Variants in SPTBN1 observed in about 807,000 individuals in gnomAD.
SPTBN1 encodes the protein spectrin beta chain, non-erythrocytic 1.
In SPTBN1, 32 loss-of-function variants were observed where a neutral mutation model predicts 266.4. The ratio of observed to expected loss-of-function variants is 0.12; its 90% CI spans 0.09 to 0.16. SPTBN1 has a LOEUF of 0.16. Among genes scored for constraint, SPTBN1 ranks in the 10% least tolerant of loss-of-function variants. The pLI, the probability that SPTBN1 is intolerant of heterozygous loss-of-function variation, is 1.00. For synonymous variants in SPTBN1, 1,336 were observed against 1,162.2 expected, an observed-to-expected ratio of 1.15 and a Z score of -3.04; for missense variants, 2,296 against 3,067.1, an observed-to-expected ratio of 0.75 and a Z score of 5.94.
intron 1 of SPTBN1, among the ~76,000 whole-genome samples, chr2:54,474,584 T>G (rs1356941235): frequency 6.6e-6 from 1 of 152,224 alleles, no homozygotes; most frequent in Non-Finnish European, 1.5e-5. Context: ...TTATTTACTA[T>G]ATTAATAAAA....
Position 54,670,712 on chromosome 2 carries a change from A to C in SPTBN1, c.*2143A>C, listed in dbSNP as rs965096001. On this transcript the variant is annotated 3_prime_UTR_variant, in exon 36 of 36. Coordinates refer to ENST00000356805, the MANE Select transcript of SPTBN1 (RefSeq NM_003128.3). ...CTGGAGTCCCATAATAAATACGTAC[A>C]TGTGGAACATCGTGCACATAATTTC... is the stretch of plus-strand genomic sequence containing the variant. 2.0e-5 allele frequency: 8 copies of C among 398,520 alleles called. No homozygotes were observed. Among genetic ancestry groups the C allele is most frequent in the Admixed American group, 4.4e-5 (1 of 22,714 alleles). The allele number at this position is 398,520 out of a possible 1,614,324, so 24.7% of individuals were successfully genotyped here.
chr2:54,605,845 G>C (rs2103744460), intron 3 of SPTBN1, among the ~76,000 whole-genome samples: 1 of 152,270 alleles, frequency 6.6e-6, no homozygotes, highest in African/African-American at 2.4e-5. Flanking sequence ...GTGGCTTGCT[G>C]GTTTTTGAGT....
At chr2:54,477,641 C>T (rs757608782) in intron 1 of SPTBN1, among the ~76,000 whole-genome samples, 27 of 152,078 alleles carry the variant, frequency 1.8e-4, no homozygotes, top group Non-Finnish European at 3.2e-4. Flanking sequence ...AGGCTGGGCG[C>T]GGTGGCTCAT....
chr2:54,638,641 G>C (rs1444969760), intron 18 of SPTBN1, among the ~76,000 whole-genome samples: 3 of 152,218 alleles, frequency 2.0e-5, no homozygotes, highest in African/African-American at 7.2e-5. Flanking sequence ...GATTTCACGT[G>C]TGAGTTCGTG....
At chr2:54,525,405 C>T (rs1670743655) in intron 1 of SPTBN1, among the ~76,000 whole-genome samples, 2 of 152,124 alleles carry the variant, frequency 1.3e-5, no homozygotes, top group South Asian at 2.1e-4. Flanking sequence ...GCCACCACGC[C>T]CAGCTAATTT....
At chr2:54,597,326 A>G (rs1012979537) in intron 2 of SPTBN1, among the ~76,000 whole-genome samples, 3 of 152,226 alleles carry the variant, frequency 2.0e-5, no homozygotes, top group African/African-American at 7.2e-5. Context: ...CATCCATCAC[A>G]ATGATTACGT....
intron 1 of SPTBN1, among the ~76,000 whole-genome samples, chr2:54,525,803 T>G (rs1436214178): frequency 6.6e-6 from 1 of 152,166 alleles, no homozygotes; most frequent in East Asian, 1.9e-4. Context: ...CGATATCGGC[T>G]CACTACAACC....
At position 54,646,576 on chromosome 2, in the gene SPTBN1, G is replaced by A. The variant is rs191204800; in HGVS notation, c.4866+101G>A. 18 of 1,353,450 alleles carry A rather than the reference G, an allele frequency of 1.3e-5. No individual in the cohort carries two copies. Among genetic ancestry groups the A allele is most frequent in the Non-Finnish European group, 1.5e-5 (16 of 1,035,994 alleles). 83.8% of individuals were successfully genotyped at this position (1,353,450 alleles called of 1,614,324 possible). On this transcript the variant is annotated intron_variant, in intron 23 of 35. Coordinates refer to ENST00000356805, the MANE Select transcript of SPTBN1 (RefSeq NM_003128.3). The surrounding 1 kb of genome is among the most constrained non-coding windows in gnomAD (Gnocchi z 4.4). ...CTCTGTCTGTATAAAAACTTCCCTTGTAGCCTTTGAGTGTTAAGGGGACAC... is the reference window on the plus strand; with the variant it reads ...CTCTGTCTGTATAAAAACTTCCCTTATAGCCTTTGAGTGTTAAGGGGACAC...
At chr2:54,648,207 T>C (rs1469952809) in intron 24 of SPTBN1, among the ~76,000 whole-genome samples, 1 of 152,078 alleles carries the variant, frequency 6.6e-6, no homozygotes, top group Non-Finnish European at 1.5e-5. Flanking sequence ...CCAGGGCAGG[T>C]TAGGGGAGAT....
chr2:54,542,123 G>T (rs558130401), intron 2 of SPTBN1, among the ~76,000 whole-genome samples: 2 of 152,344 alleles, frequency 1.3e-5, no homozygotes, highest in Admixed American at 1.3e-4. Flanking sequence ...AAATATTTGA[G>T]TACTTAACTA....
intron 1 of SPTBN1, among the ~76,000 whole-genome samples, chr2:54,501,164 C>T (rs775943914): frequency 1.3e-5 from 2 of 152,156 alleles, no homozygotes; most frequent in African/African-American, 4.8e-5. Flanking sequence ...ACTCTGGGGT[C>T]CCCAGTGAGG....
chr2:54,512,320 AT>A (rs1173129851), intron 1 of SPTBN1, among the ~76,000 whole-genome samples: 3 of 152,152 alleles, frequency 2.0e-5, no homozygotes, highest in African/African-American at 7.2e-5. Context: ...CATTTTGTTT[AT>A]TTGAAAGGTT....
At chr2:54,650,470 T>C (rs1680198099) in intron 26 of SPTBN1, among the ~76,000 whole-genome samples, 1 of 151,798 alleles carries the variant, frequency 6.6e-6, no homozygotes, top group Non-Finnish European at 1.5e-5. Flanking sequence ...AGTAACAATA[T>C]AACAGAATCT....
At chr2:54,638,881 C>T (rs990255066) in intron 18 of SPTBN1, among the ~76,000 whole-genome samples, 5 of 152,212 alleles carry the variant, frequency 3.3e-5, no homozygotes, top group South Asian at 2.1e-4. Context: ...AAAAGAAATA[C>T]GGCTCCAGTG....
intron 2 of SPTBN1, among the ~76,000 whole-genome samples, chr2:54,578,658 A>G (rs1324480300): frequency 6.6e-6 from 1 of 152,162 alleles, no homozygotes; most frequent in Non-Finnish European, 1.5e-5. Context: ...TATATTTGGC[A>G]TCAGTGAGGC....
intron 2 of SPTBN1, chr2:54,529,426 A>G: frequency 2.8e-6 from 2 of 702,704 alleles, no homozygotes; most frequent in Non-Finnish European, 2.6e-6. Context: ...CCAAGAAGGT[A>G]GTGTTGAAAG....
intron 3 of SPTBN1, 130 bp from the exon 4 acceptor site, chr2:54,612,031 T>A (rs1233028539): frequency 2.2e-6 from 2 of 907,116 alleles, no homozygotes; most frequent in Admixed American, 5.1e-5. Context: ...AATGAGTACA[T>A]GTGTTTGTTA....
intron 1 of SPTBN1, among the ~76,000 whole-genome samples, chr2:54,502,416 G>A (rs1012272074): frequency 5.9e-5 from 9 of 152,076 alleles, no homozygotes; most frequent in Non-Finnish European, 8.8e-5. Context: ...TGAAGGGTTG[G>A]TTTACATCAG....
At chr2:54,582,694 G>A (rs1329980407) in intron 2 of SPTBN1, among the ~76,000 whole-genome samples, 3 of 152,164 alleles carry the variant, frequency 2.0e-5, no homozygotes, top group Non-Finnish European at 4.4e-5. Context: ...TTAATTCAGT[G>A]TGGTCCATTT....
Sources: gnomAD v4.1 joint callset for allele counts (sites outside exome capture counted in the v4.1 genomes callset) on GRCh38, gnomAD v4.1.1 for gene constraint, Gnocchi (gnomAD v3.1) non-coding constraint, MANE v1.5 for transcripts, NCBI Gene and HGNC (gene_info 2026-07-23, HGNC 2026-07-21) for gene names.